The following ZNF385D variants were observed in gnomAD, a reference collection of about 807,000 sequenced individuals.
ZNF385D encodes zinc finger protein 659.
Under a neutral mutation model 35.8 loss-of-function variants are expected in ZNF385D, and 15 were observed. That is an observed-to-expected ratio of 0.42 (90% confidence interval 0.28 to 0.64). The LOEUF (loss-of-function observed/expected upper bound fraction) is 0.64. Among genes scored for constraint, ZNF385D ranks in the 30% least tolerant of loss-of-function variants. ZNF385D has a pLI of 0.23. For synonymous variants in ZNF385D, 212 were observed against 186.8 expected (o/e 1.13, Z -1.10); for missense variants, 474 against 494.6 (o/e 0.96, Z 0.39).
At chr3:21,766,738 A>G (rs2070846537) in intron 3 of ZNF385D, among the ~76,000 whole-genome samples, 1 of 152,098 alleles carries the variant, frequency 6.6e-6, no homozygotes, top group Non-Finnish European at 1.5e-5. Flanking sequence ...TTTCAGATGG[A>G]GCAAAGGGAG....
At chr3:21,687,667 G>T (rs1008161538) in intron 1 of ZNF385D, among the ~76,000 whole-genome samples, 1 of 151,956 alleles carries the variant, frequency 6.6e-6, no homozygotes, top group Non-Finnish European at 1.5e-5. Context: ...AATGTATAAT[G>T]ATATATATAG....
intron 3 of ZNF385D, among the ~76,000 whole-genome samples, chr3:22,122,535 T>C (rs1022555929): frequency 7.2e-5 from 11 of 152,152 alleles, no homozygotes; most frequent in African/African-American, 1.9e-4. Context: ...TAGGTGCTGA[T>C]GACACAGCCA....
At chr3:21,424,498 A>T (rs1431029958) in intron 6 of ZNF385D, among the ~76,000 whole-genome samples, 1 of 149,454 alleles carries the variant, frequency 6.7e-6, no homozygotes, top group Non-Finnish European at 1.5e-5. Context: ...TATTTTTAGT[A>T]GAGATGGGGT....
chr3:21,919,648 T>C (rs528244451), intron 3 of ZNF385D, among the ~76,000 whole-genome samples: 33 of 152,292 alleles, frequency 2.2e-4, no homozygotes, highest in Admixed American at 1.8e-3. Context: ...TAGAATTAGC[T>C]TTGTTTAACT....
At chr3:21,532,101 G>A (rs577293109) in intron 3 of ZNF385D, among the ~76,000 whole-genome samples, 1 of 152,234 alleles carries the variant, frequency 6.6e-6, no homozygotes. Context: ...GCAAGCACCA[G>A]TCATGGGAGA....
At chr3:21,596,484 T>C (rs1339510784) in intron 2 of ZNF385D, among the ~76,000 whole-genome samples, 2 of 152,174 alleles carry the variant, frequency 1.3e-5, no homozygotes, top group Non-Finnish European at 2.9e-5. Context: ...GGTGATGTTA[T>C]GAGGAAATGA....
intron 2 of ZNF385D, among the ~76,000 whole-genome samples, chr3:22,328,843 A>G (rs1694797557): frequency 6.6e-6 from 1 of 151,874 alleles, no homozygotes; most frequent in Non-Finnish European, 1.5e-5. Context: ...TGGGAAGCCG[A>G]GGCGGGCGGA....
intron 2 of ZNF385D, among the ~76,000 whole-genome samples, chr3:22,189,811 A>T (rs116433625): frequency 9.4e-4 from 143 of 152,298 alleles, no homozygotes; most frequent in Non-Finnish European, 1.3e-3. Flanking sequence ...TAATAGACAC[A>T]GACATGGGCC....
At chr3:21,831,284 G>A (rs1447021795) in intron 3 of ZNF385D, among the ~76,000 whole-genome samples, 1 of 152,108 alleles carries the variant, frequency 6.6e-6, no homozygotes, top group African/African-American at 2.4e-5. Context: ...GAAGGGAAGA[G>A]GAGCAGAAAT....
chr3:22,237,758 C>G (rs1294767114), intron 2 of ZNF385D, among the ~76,000 whole-genome samples: 3 of 152,122 alleles, frequency 2.0e-5, no homozygotes, highest in East Asian at 3.9e-4. Context: ...ATTCTCCTGC[C>G]TCAGCCTCCT....
At chr3:22,078,599 C>T (rs768089711) in intron 3 of ZNF385D, among the ~76,000 whole-genome samples, 1 of 151,996 alleles carries the variant, frequency 6.6e-6, no homozygotes, top group Non-Finnish European at 1.5e-5. Context: ...ACAACAAAAG[C>T]AGTAATGCCT....
At chr3:21,746,138 C>T (rs555411353) in intron 1 of ZNF385D, among the ~76,000 whole-genome samples, 13 of 152,256 alleles carry the variant, frequency 8.5e-5, no homozygotes, top group South Asian at 6.2e-4. Context: ...CCGAATCTTC[C>T]GGAATGGAAG....
At position 21,564,606 on chromosome 3, in the gene ZNF385D, A is replaced by C; in HGVS notation, c.244T>G (p.Cys82Gly). Residue 82 changes from cysteine (C) to glycine (G), a missense_variant, in exon 3 of 8, where the codon TGC (cysteine) becomes GGC (glycine). Transcript: ENST00000281523. ...LPHRRKQIIS[C>G]NICQLRFNSD... ...TTAAATCTCAACTGGCAAATGTTGC[A>C]TGATATGATTTGCTTTCTTCGGTGG... 1 of 1,567,888 alleles carries C rather than the reference A, an allele frequency of 6.4e-7. No homozygotes were observed.
Position 22,033,402 on chromosome 3 carries a change from AAATAATAATAATAAT to A in ZNF385D, c.325+135400_325+135414del, listed in dbSNP as rs59555475. Among the ~76,000 whole-genome samples, 1,087 of 139,388 alleles carry A rather than the reference AAATAATAATAATAAT, an allele frequency of 7.8e-3. 15 individuals carry two copies. Among genetic ancestry groups the A allele is most frequent in the African/African-American group, 0.026 (965 of 37,100 alleles). The allele number at this position is 139,388 out of a possible 152,430, so 91.4% of individuals were successfully genotyped here. ...GGGTGACAGAGCAAGGCTGGCTCCA[AAATAATAATAATAAT>A]AATAATAATAATAATAATAATAATG... On this transcript the variant is annotated intron_variant, in intron 3 of 5. Coordinates refer to the ZNF385D transcript ENST00000494108.
chr3:22,325,817 A>T (rs1694650508), intron 2 of ZNF385D, among the ~76,000 whole-genome samples: 1 of 147,324 alleles, frequency 6.8e-6, no homozygotes, highest in South Asian at 2.1e-4. Context: ...ATCATGAGGG[A>T]ACAAAAAGAA....
intron 3 of ZNF385D, among the ~76,000 whole-genome samples, chr3:22,162,503 C>A (rs2125743075): frequency 6.6e-6 from 1 of 152,236 alleles, no homozygotes; most frequent in Middle Eastern, 3.4e-3. Flanking sequence ...TTAACACAGG[C>A]CACCATCTAT....
chr3:22,156,222 G>C (rs1705570508), intron 3 of ZNF385D, among the ~76,000 whole-genome samples: 1 of 146,148 alleles, frequency 6.8e-6, no homozygotes, highest in Non-Finnish European at 1.6e-5. Context: ...CTCAAGTGAA[G>C]GTGTAACAAG....
At chr3:22,277,196 G>A (rs1701474768) in intron 2 of ZNF385D, among the ~76,000 whole-genome samples, 1 of 152,110 alleles carries the variant, frequency 6.6e-6, no homozygotes, top group African/African-American at 2.4e-5. Flanking sequence ...GCAAGTAAGG[G>A]AAGCAAGTTA....
chr3:22,044,524 T>G (rs1306771299), intron 3 of ZNF385D, among the ~76,000 whole-genome samples: 3 of 152,140 alleles, frequency 2.0e-5, no homozygotes, highest in Admixed American at 2.0e-4. Flanking sequence ...AGAAGAGCAA[T>G]TTTTAAATAA....
Sources: allele counts gnomAD v4.1 joint callset (sites outside exome capture counted in the v4.1 genomes callset), GRCh38; gene constraint gnomAD v4.1.1; transcripts MANE v1.5; gene names NCBI Gene and HGNC (gene_info 2026-07-23, HGNC 2026-07-21).